The following ATG10 variants were observed in gnomAD, a reference collection of about 807,000 sequenced individuals.
ATG10 encodes the protein autophagy related 10, also known as ubiquitin-like-conjugating enzyme ATG10.
ATG10 carries 30 observed loss-of-function variants against 32.1 expected under a neutral mutation model. The ratio of observed to expected loss-of-function variants is 0.94; its 90% confidence interval spans 0.70 to 1.27. The LOEUF (loss-of-function observed/expected upper bound fraction) is 1.27, where lower values mean the gene tolerates loss of function less well. Among genes scored for constraint, ATG10 ranks in the 50% most tolerant of loss-of-function variants. The probability of loss-of-function intolerance (pLI) is 0.00; values close to 1 mark genes in which losing one functional copy is unlikely to be tolerated. For synonymous variants in ATG10, 87 were observed against 91.5 expected (o/e 0.95, Z 0.28); for missense variants, 233 against 262.3 (o/e 0.89, Z 0.77).
chr5:81,985,823 C>T (rs896504028), intron 1 of ATG10, among the ~76,000 whole-genome samples: 7 of 152,194 alleles, frequency 4.6e-5, no homozygotes, highest in African/African-American at 1.7e-4. Context: ...AGTGCAGTGG[C>T]GCGATCTCGG....
At position 82,050,575 on chromosome 5, in the gene ATG10, A is replaced by AG. The variant is rs532618925; in HGVS notation, c.109-7919dup. On this transcript the variant is annotated intron_variant, in intron 2 of 7. Coordinates refer to ENST00000282185, the MANE Select transcript of ATG10 (RefSeq NM_031482.5). ...ATATAATGAGTCTGTTTAAATAAAC[A>AG]GATTCATTGCAGAAGTAAGTAGTAT... 1.1e-3 allele frequency among the ~76,000 whole-genome samples: 175 copies of AG among 152,230 alleles called. 2 individuals carry two copies. The highest frequency in any genetic ancestry group is 2.3e-3 in the Admixed American group (35 of 15,272).
At chr5:81,979,792 G>GT (rs1204892284) in intron 1 of ATG10, among the ~76,000 whole-genome samples, 18 of 114,570 alleles carry the variant, frequency 1.6e-4, no homozygotes, top group African/African-American at 4.6e-4. Flanking sequence ...CAGCAGCTTT[G>GT]TTTTTTTTAG....
At chr5:82,159,057 T>C (rs939444573) in intron 3 of ATG10, among the ~76,000 whole-genome samples, 1 of 152,214 alleles carries the variant, frequency 6.6e-6, no homozygotes, top group Non-Finnish European at 1.5e-5. Context: ...CATATCCAAA[T>C]TTCCAGTATC....
At chr5:82,065,295 T>C (rs1485373543) in intron 3 of ATG10, among the ~76,000 whole-genome samples, 2 of 152,094 alleles carry the variant, frequency 1.3e-5, no homozygotes, top group Admixed American at 6.6e-5. Context: ...GAGACCAGCC[T>C]GGCCAACATG....
intron 5 of ATG10, among the ~76,000 whole-genome samples, chr5:82,243,704 A>G (rs1420904246): frequency 1.3e-5 from 2 of 152,174 alleles, no homozygotes; most frequent in African/African-American, 2.4e-5. Context: ...GGACAAATCA[A>G]CTGTTATAGG....
In ATG10 at chr5:82,132,250, A is replaced by T. The variant is rs557703280; in HGVS notation, c.217-32149A>T. 1.0e-2 allele frequency among the ~76,000 whole-genome samples: 1,513 copies of T among 151,764 alleles called. 11 individuals carry two copies. Among genetic ancestry groups the T allele is most frequent in the Middle Eastern group, 0.02 (6 of 294 alleles). On this transcript the variant is annotated intron_variant, in intron 3 of 7. Transcript: ENST00000282185. ...AAAGTTAACTGCCATTATTATTATT[A>T]TTTTTTTTTATTATTATCCTTTAAG... is the stretch of plus-strand genomic sequence containing the variant.
At chr5:82,251,138 C>T (rs1462351545) in intron 5 of ATG10, among the ~76,000 whole-genome samples, 1 of 152,200 alleles carries the variant, frequency 6.6e-6, no homozygotes, top group Non-Finnish European at 1.5e-5. Context: ...CCCTCACCAC[C>T]ACCACCCCAA....
At chr5:82,137,448 A>G (rs1331959554) in intron 3 of ATG10, among the ~76,000 whole-genome samples, 1 of 152,068 alleles carries the variant, frequency 6.6e-6, no homozygotes, top group Non-Finnish European at 1.5e-5. Context: ...TCTGTTTCTT[A>G]CTGTCCTTCT....
At chr5:82,068,707 A>G (rs1481415263) in intron 3 of ATG10, among the ~76,000 whole-genome samples, 2 of 147,028 alleles carry the variant, frequency 1.4e-5, no homozygotes, top group African/African-American at 4.9e-5. Flanking sequence ...TCTTATATAT[A>G]TATCAAGTAT....
chr5:82,238,156 G>A (rs1462513914), intron 5 of ATG10, among the ~76,000 whole-genome samples: 1 of 152,062 alleles, frequency 6.6e-6, no homozygotes, highest in African/African-American at 2.4e-5. Flanking sequence ...GATTGTCCTT[G>A]GAACACCCTC....
At chr5:82,062,315 T>A (rs1328297225) in intron 3 of ATG10, among the ~76,000 whole-genome samples, 2 of 152,092 alleles carry the variant, frequency 1.3e-5, no homozygotes, top group African/African-American at 4.8e-5. Flanking sequence ...AACTCCAGTG[T>A]TTTATTTTTA....
At chr5:82,137,055 T>C (rs942615804) in intron 3 of ATG10, among the ~76,000 whole-genome samples, 1 of 152,114 alleles carries the variant, frequency 6.6e-6, no homozygotes, top group African/African-American at 2.4e-5. Context: ...GTTTTTCAGC[T>C]CCATCAGGTC....
intron 2 of ATG10, among the ~76,000 whole-genome samples, chr5:81,989,065 T>C (rs4703865): frequency 1 from 152,243 of 152,296 alleles, 76,095 homozygotes; most frequent in Non-Finnish European, 1. Context: ...CTCCTGACCT[T>C]AAGCCACCCT....
chr5:82,063,834 G>A (rs1165519331), intron 3 of ATG10, among the ~76,000 whole-genome samples: 4 of 152,120 alleles, frequency 2.6e-5, no homozygotes, highest in African/African-American at 9.7e-5. Flanking sequence ...TCAGAGGGTA[G>A]AGGGTCAAAA....
intron 3 of ATG10, among the ~76,000 whole-genome samples, chr5:82,135,113 GT>G (rs1473814719): frequency 6.6e-6 from 1 of 151,704 alleles, no homozygotes; most frequent in African/African-American, 2.4e-5. Context: ...ATTCTTCTCT[GT>G]TTTCTTCTTT....
At chr5:81,979,281 A>C (rs993166234) in intron 1 of ATG10, among the ~76,000 whole-genome samples, 4 of 152,164 alleles carry the variant, frequency 2.6e-5, no homozygotes. Flanking sequence ...TAATCCCAGC[A>C]CTTCCAGAGG....
chr5:82,029,765 T>C (rs1018867171), intron 2 of ATG10, among the ~76,000 whole-genome samples: 8 of 152,206 alleles, frequency 5.3e-5, no homozygotes, highest in South Asian at 2.1e-4. Context: ...ATCTCACTCA[T>C]GGGTATAGAT....
intron 2 of ATG10, among the ~76,000 whole-genome samples, chr5:82,041,741 A>C (rs1475421308): frequency 1.3e-5 from 2 of 151,964 alleles, no homozygotes; most frequent in Non-Finnish European, 2.9e-5. Flanking sequence ...TAGAACTCCA[A>C]TTACATGTTT....
At chr5:82,065,089 T>C (rs1763899791) in intron 3 of ATG10, among the ~76,000 whole-genome samples, 1 of 152,296 alleles carries the variant, frequency 6.6e-6, no homozygotes, top group South Asian at 2.1e-4. Flanking sequence ...TGATTTTGCA[T>C]GTGACATTTC....
Sources: gnomAD v4.1 joint callset for allele counts (sites outside exome capture counted in the v4.1 genomes callset) on GRCh38, gnomAD v4.1.1 for gene constraint, MANE v1.5 for transcripts, NCBI Gene and HGNC (gene_info 2026-07-23, HGNC 2026-07-21) for gene names.